Variants in FN1 observed in about 807,000 individuals in gnomAD.
FN1 encodes fibronectin.
FN1 carries 106 observed loss-of-function variants against 297.3 expected under a neutral mutation model. The ratio of observed to expected loss-of-function variants is 0.36; its 90% CI spans 0.30 to 0.42. The LOEUF is 0.42. Ranked by LOEUF, FN1 falls within the 10% of genes least tolerant of loss-of-function variation. The pLI, the probability that FN1 is intolerant of heterozygous loss-of-function variation, is 1.00. For missense variants in FN1, 2,690 were observed against 3,124.9 expected, an observed-to-expected ratio of 0.86 and a Z score of 3.32; for synonymous variants, 1,149 against 1,152.6, an observed-to-expected ratio of 1.00 and a Z score of 0.06.
In FN1 at chr2:215,394,606, C is replaced by G; in HGVS notation, c.3718G>C (p.Gly1240Arg). 6.2e-7 allele frequency: 1 copy of G among 1,614,026 alleles called. No individual in the cohort carries two copies. The highest frequency in any genetic ancestry group is 1.1e-5 in the South Asian group (1 of 91,082). The part of the protein sequence containing the change: ...SSCTFDNLSP[G>R]LEYNVSVYTV... The stretch of plus-strand genomic sequence containing the variant: ...TAAACACTGACATTGTACTCCAGGC[C>G]GGGACTCAGGTTATCAAAAGTGCAG... Residue 1240 changes from glycine to arginine, a missense_variant, in exon 24 of 46, where the codon GGC becomes CGC. Physicochemically the swap from Gly to Arg is moderately radical, Grantham distance 125 (BLOSUM62 -2). Coordinates refer to ENST00000354785, the MANE Select transcript of FN1 (RefSeq NM_212482.4).
chr2:215,408,070 A>T, intron 17 of FN1, 38 bp downstream of exon 17: 1 of 1,525,216 alleles, frequency 6.6e-7, no homozygotes, highest in Non-Finnish European at 9.1e-7. Flanking sequence ...TGTCATTAAG[A>T]TTAACATAGC....
chr2:215,379,354 G>T (rs1474214266), intron 33 of FN1, 37 bp from the exon 34 acceptor site: 3 of 1,573,728 alleles, frequency 1.9e-6, no homozygotes, highest in Admixed American at 3.3e-5. Context: ...TTATCTTATA[G>T]GAAATGGGGG....
intron 28 of FN1, among the ~76,000 whole-genome samples, 154 bp from the exon 29 acceptor site, chr2:215,385,130 T>G (rs2058737359): frequency 2.6e-5 from 4 of 152,004 alleles, no homozygotes; most frequent in Admixed American, 1.3e-4. Context: ...TATGACGAAT[T>G]CAAGATAAGG....
rs1340784263 is a variant in FN1, at chr2:215,386,076, C to T, written c.4612+613G>A. On this transcript the variant is annotated intron_variant, in intron 28 of 45. Transcript: ENST00000354785. ...CAAGCGTGAGCCATTGCGCCTGGCC[C>T]TTTTTTTTTTTTTTTTTTTGAGACA... Among the ~76,000 whole-genome samples, 38 of 109,418 alleles carry T rather than the reference C, an allele frequency of 3.5e-4. No individual in the cohort carries two copies. The Admixed American group carries it at 4.0e-3, about 12-fold the overall frequency. 71.8% of individuals were successfully genotyped at this position (109,418 alleles called of 152,430 possible).
At chr2:215,409,782 A>C (rs777631695) in intron 14 of FN1, 43 bp from the exon 15 acceptor site, 6 of 1,610,714 alleles carry the variant, frequency 3.7e-6, no homozygotes, top group Non-Finnish European at 5.1e-6. Flanking sequence ...TCAGTCATCT[A>C]GAAAATTTAC....
At chr2:215,411,992 A>G (rs1379060037) in intron 13 of FN1, among the ~76,000 whole-genome samples, 1 of 152,078 alleles carries the variant, frequency 6.6e-6, no homozygotes, top group Non-Finnish European at 1.5e-5. Flanking sequence ...ACCACTTTTA[A>G]GTCTCCCATT....
chr2:215,392,804 A>G lies in FN1; in HGVS notation c.4069+127T>C, dbSNP rs552290864. On this transcript the variant is annotated intron_variant, in intron 25 of 45. Coordinates refer to ENST00000354785, the MANE Select transcript of FN1 (RefSeq NM_212482.4). ...ATGCATTTGATTCCTTATCCCCCCA[A>G]TCCACCCTATCTGAATCTTTGGCCA... The G allele has an allele frequency of 1.3e-4, 139 of 1,042,594 alleles. No homozygotes were observed. The East Asian group carries it at 2.6e-3, about 20-fold the overall frequency. 64.6% of individuals were successfully genotyped at this position (1,042,594 alleles called of 1,614,324 possible). A position where few individuals can be genotyped will look rare whatever the true frequency, so the allele number is the denominator to read the frequency against.
At chr2:215,393,444 A>ATATT (rs1234283864) in intron 24 of FN1, 1 of 175,792 alleles carries the variant, frequency 5.7e-6, no homozygotes, top group African/African-American at 2.4e-5. Context: ...ATATATATAT[A>ATATT]TTTTTTACAT....
chr2:215,433,790 A>C (rs1418503979), intron 2 of FN1, among the ~76,000 whole-genome samples: 3 of 152,236 alleles, frequency 2.0e-5, no homozygotes, highest in African/African-American at 4.8e-5. Flanking sequence ...CAGAAAGTCA[A>C]AGCAAGGTTC....
Position 215,372,274 on chromosome 2 carries a change from G to A in FN1, c.6349C>T (p.Pro2117Ser), listed in dbSNP as rs746673884. 2 of 1,613,974 alleles carry A rather than the reference G, an allele frequency of 1.2e-6. No homozygotes were observed. Among genetic ancestry groups the A allele is most frequent in the Admixed American group, 1.7e-5 (1 of 60,010 alleles). The change falls in exon 40 of 46, where the codon CCT becomes TCT. Residue 2117 changes from proline to serine, a missense_variant. Physicochemically the swap from Pro to Ser is moderately conservative, Grantham distance 74 (BLOSUM62 -1). Coordinates refer to ENST00000354785, the MANE Select transcript of FN1 (RefSeq NM_212482.4). ...ATACCATTTCCAGTGTCATACCCAG[G>A]GTGGGTGACGAAAGGGGTCTTTTGA... Reference protein sequence around the residue: ...TVQKTPFVTHPGYDTGNGIQL... With the variant: ...TVQKTPFVTHSGYDTGNGIQL...
rs565309518 is a variant in FN1, at chr2:215,404,410, C to T, written c.3232G>A (p.Ala1078Thr). ...TTACGTGTGGTAAAGACTCCAGTGG[C>T]TTTGGGGCTCTCTTGGTTGCCCTTT... ...AIKGNQESPK[A>T]TGVFTTLQPG... is the part of the protein sequence containing the mutation. The change falls in exon 20 of 46, where the codon GCC (alanine) becomes ACC (threonine). Residue 1078 changes from alanine to threonine, a missense_variant. Transcript: ENST00000354785. 3.1e-6 allele frequency: 5 copies of T among 1,613,872 alleles called. No individual in the cohort carries two copies. The highest frequency in any genetic ancestry group is 4.2e-6 in the Non-Finnish European group (5 of 1,179,984).
In FN1 at chr2:215,365,545, T is replaced by C. The variant is rs201635143; in HGVS notation, c.7104A>G (p.Thr2368=). ...QGENGQMMSC[T]CLGNGKGEFK... is the part of the protein sequence containing the mutation. ...ATTCTCCTTTTCCGTTCCCAAGACA[T>C]GTGCAGCTCATCATCTGGCCATTTT... The change falls in exon 43 of 46, where the codon ACA becomes ACG. Residue 2368 remains threonine, a synonymous_variant. Coordinates refer to ENST00000354785, the MANE Select transcript of FN1 (RefSeq NM_212482.4). 2 of 1,614,110 alleles carry C rather than the reference T, an allele frequency of 1.2e-6. No homozygotes were observed. Among genetic ancestry groups the C allele is most frequent in the East Asian group, 2.2e-5 (1 of 44,876 alleles).
At chr2:215,362,253 T>C (rs2053610913) in intron 44 of FN1, 174 bp from the exon 45 acceptor site, 3 of 642,366 alleles carry the variant, frequency 4.7e-6, no homozygotes, top group East Asian at 2.8e-5. Flanking sequence ...TTAATACATT[T>C]TGGCTTATTA....
At chr2:215,426,383 T>C (rs1489397039) in intron 6 of FN1, among the ~76,000 whole-genome samples, 2 of 151,632 alleles carry the variant, frequency 1.3e-5, no homozygotes, top group East Asian at 2.0e-4. Context: ...CTCCTGACCT[T>C]GTGATCCACC....
At position 215,408,139 on chromosome 2, in the gene FN1, A is replaced by C; in HGVS notation, c.2487T>G (p.Val829=). Residue 829 remains valine (V), a synonymous_variant, in exon 17 of 46, where the codon GTT becomes GTG. Coordinates refer to ENST00000354785, the MANE Select transcript of FN1 (RefSeq NM_212482.4). ...TGGGAGCCTGGGGTCTGCTCCAGCG[A>C]ACAACAATTGAGGTGTCATCAACTT... ...VDQVDDTSIV[V]RWSRPQAPIT... 6.2e-7 allele frequency: 1 copy of C among 1,614,142 alleles called. No homozygotes were observed. The highest frequency in any genetic ancestry group is 1.3e-5 in the African/African-American group (1 of 75,030).
chr2:215,377,522 G>A (rs2057519448), intron 35 of FN1, among the ~76,000 whole-genome samples: 1 of 151,962 alleles, frequency 6.6e-6, no homozygotes. Flanking sequence ...TGATGTGCCT[G>A]CTCCCCCTTG....
chr2:215,408,358 C>T lies in FN1; in HGVS notation c.2368G>A (p.Val790Ile). The T allele has an allele frequency of 2.5e-6, 4 of 1,614,068 alleles. No homozygotes were observed. Among genetic ancestry groups the T allele is most frequent in the Non-Finnish European group, 3.4e-6 (4 of 1,179,960 alleles). ...TCCCCATCCTCAGATATCTGATAGACATTTACAATGTATTTTCGGCCAGGA... is the reference window on the plus strand; with the variant it reads ...TCCCCATCCTCAGATATCTGATAGATATTTACAATGTATTTTCGGCCAGGA... Reference protein sequence around the residue: ...LLPGRKYIVNVYQISEDGEQS... With the variant: ...LLPGRKYIVNIYQISEDGEQS... The change falls in exon 16 of 46, where the codon GTC becomes ATC. Residue 790 changes from valine to isoleucine, a missense_variant. Coordinates refer to ENST00000354785, the MANE Select transcript of FN1 (RefSeq NM_212482.4).
chr2:215,373,279 T>A (rs756784762), intron 39 of FN1, 43 bp downstream of exon 39: 5 of 1,466,104 alleles, frequency 3.4e-6, no homozygotes, highest in South Asian at 1.1e-5. Context: ...TTGTTATTAG[T>A]TTTGTCCTAT....
intron 38 of FN1, 67 bp from the exon 39 acceptor site, chr2:215,373,478 A>C (rs1575279170): frequency 3.1e-6 from 4 of 1,305,014 alleles, no homozygotes; most frequent in Non-Finnish European, 4.4e-6. Flanking sequence ...AGTCGGTCTC[A>C]CCAGCAGACG....
Sources: gnomAD v4.1 joint callset for allele counts (sites outside exome capture counted in the v4.1 genomes callset) on GRCh38, gnomAD v4.1.1 for gene constraint, MANE v1.5 for transcripts, NCBI Gene and HGNC (gene_info 2026-07-23, HGNC 2026-07-21) for gene names.